KLF8: variants seen among roughly 807,000 people sequenced by gnomAD.
KLF8 encodes the protein Krueppel-like factor 8.
Under a neutral mutation model 18.2 loss-of-function variants are expected in KLF8, and 10 were observed. The ratio of observed to expected loss-of-function variants is 0.55; its 90% CI spans 0.34 to 0.93. The LOEUF (loss-of-function observed/expected upper bound fraction) is 0.93, where lower values mean the gene tolerates loss of function less well. Ranked by LOEUF, KLF8 falls within the 40% of genes least tolerant of loss-of-function variation. The pLI is 0.02. For missense variants in KLF8, 264 were observed against 277.9 expected (o/e 0.95, Z 0.36); for synonymous variants, 109 against 97.3 (o/e 1.12, Z -0.71).
At chrX:55,950,216 C>T in the KLF8 span, among the ~76,000 whole-genome samples, 1 of 110,733 alleles carries the variant, frequency 9.0e-6, no homozygotes, top group Non-Finnish European at 1.9e-5. Context: ...AGAGTTTGAA[C>T]AGATGAACAT....
At chrX:56,197,007 C>T in the KLF8 span, among the ~76,000 whole-genome samples, 2 of 111,617 alleles carry the variant, frequency 1.8e-5, no homozygotes, top group Admixed American at 9.5e-5. Flanking sequence ...TGGGTAGTAA[C>T]GAAATGAAGG....
chrX:56,221,906 T>C, the KLF8 span, among the ~76,000 whole-genome samples: 1 of 111,867 alleles, frequency 8.9e-6, no homozygotes, highest in Admixed American at 9.4e-5. Flanking sequence ...ACCCACATCC[T>C]GCTGATTGGT....
chrX:55,935,914 A>T, the KLF8 span, among the ~76,000 whole-genome samples: 5 of 112,035 alleles, frequency 4.5e-5, no homozygotes, highest in African/African-American at 1.6e-4. Context: ...ATGGAGAGGA[A>T]TGGGATCTTG....
chrX:56,126,443 C>A, the KLF8 span, among the ~76,000 whole-genome samples: 1 of 112,100 alleles, frequency 8.9e-6, no homozygotes, highest in African/African-American at 3.2e-5. Flanking sequence ...ACAATTTATT[C>A]TAACACATCA....
the KLF8 span, among the ~76,000 whole-genome samples, chrX:55,917,225 C>T: frequency 8.9e-6 from 1 of 111,919 alleles, no homozygotes; most frequent in Non-Finnish European, 1.9e-5. Context: ...AACCCAGAGC[C>T]AAAATGAAGC....
chrX:56,229,776 C>T (rs1397484653), upstream of KLF8, among the ~76,000 whole-genome samples: 1 of 111,524 alleles, frequency 9.0e-6, no homozygotes, highest in Non-Finnish European at 1.9e-5. Context: ...AGGGTTCATC[C>T]ACTGGAGCCT....
At chrX:56,097,314 G>A in the KLF8 span, among the ~76,000 whole-genome samples, 1 of 107,918 alleles carries the variant, frequency 9.3e-6, no homozygotes, top group Admixed American at 1.0e-4. Context: ...CTGGAAGTAT[G>A]TGAGAAAATT....
the KLF8 span, among the ~76,000 whole-genome samples, chrX:56,173,927 A>G: frequency 9.0e-6 from 1 of 111,555 alleles, no homozygotes; most frequent in African/African-American, 3.3e-5. Flanking sequence ...AATGCTTGTG[A>G]TTTTTGCACA....
the KLF8 span, among the ~76,000 whole-genome samples, chrX:56,150,669 C>G: frequency 9.0e-6 from 1 of 110,575 alleles, no homozygotes; most frequent in African/African-American, 3.3e-5. Context: ...ATTACACAAC[C>G]TCCTGGCTGC....
chrX:56,050,472 T>C, the KLF8 span, among the ~76,000 whole-genome samples: 3 of 112,226 alleles, frequency 2.7e-5, no homozygotes, highest in Admixed American at 1.9e-4. Flanking sequence ...GTTGTGTCTT[T>C]GTTCTCATTG....
the KLF8 span, among the ~76,000 whole-genome samples, chrX:56,145,872 GA>G: frequency 4.4e-3 from 464 of 104,807 alleles, 2 homozygotes; most frequent in Non-Finnish European, 6.8e-3. Flanking sequence ...AAATTTACAA[GA>G]AAAAAAAAAC....
chrX:56,161,217 C>A, the KLF8 span, among the ~76,000 whole-genome samples: 10 of 111,450 alleles, frequency 9.0e-5, no homozygotes, highest in East Asian at 2.5e-3. Context: ...GAATATTGGC[C>A]CCCACTCTCT....
chrX:55,928,338 T>C, the KLF8 span, among the ~76,000 whole-genome samples: 9 of 111,930 alleles, frequency 8.0e-5, no homozygotes, highest in Non-Finnish European at 9.4e-5. Context: ...GATTGTCTGC[T>C]GAGTTTCCCC....
the KLF8 span, among the ~76,000 whole-genome samples, chrX:56,013,418 A>G: frequency 9.0e-6 from 1 of 111,697 alleles, no homozygotes; most frequent in South Asian, 3.7e-4. Flanking sequence ...TTTTGGGTTA[A>G]TGCTGGAATG....
chrX:56,035,832 C>T, the KLF8 span, among the ~76,000 whole-genome samples: 2 of 111,421 alleles, frequency 1.8e-5, no homozygotes, highest in Admixed American at 1.9e-4. Flanking sequence ...GGCTTTTTTG[C>T]TGTTGAGATG....
At chrX:55,951,292 A>G in the KLF8 span, among the ~76,000 whole-genome samples, 9 of 109,307 alleles carry the variant, frequency 8.2e-5, no homozygotes, top group African/African-American at 1.0e-4. Flanking sequence ...CCTGGCCAAC[A>G]TGGTGAAACC....
At chrX:55,990,933 G>T in the KLF8 span, among the ~76,000 whole-genome samples, 7 of 112,412 alleles carry the variant, frequency 6.2e-5, no homozygotes, top group Non-Finnish European at 1.3e-4. Context: ...TCCCAATTAG[G>T]CTACTTGTGG....
chrX:56,133,496 G>A, the KLF8 span, among the ~76,000 whole-genome samples: 1,416 of 111,634 alleles, frequency 0.013, 9 homozygotes, highest in African/African-American at 0.042. Flanking sequence ...AGCAAAATCA[G>A]CATTCAAGGG....
chrX:56,079,709 C>G, the KLF8 span, among the ~76,000 whole-genome samples: 1 of 110,722 alleles, frequency 9.0e-6, no homozygotes, highest in Non-Finnish European at 1.9e-5. Flanking sequence ...TCCTTGTTGA[C>G]TTTCTGTCTT....
Sources: allele counts gnomAD v4.1 joint callset (sites outside exome capture counted in the v4.1 genomes callset), GRCh38; gene constraint gnomAD v4.1.1; transcripts MANE v1.5; gene names NCBI Gene and HGNC (gene_info 2026-07-23, HGNC 2026-07-21).